SIPA1L3: variants seen among roughly 807,000 people sequenced by gnomAD.
The protein encoded by SIPA1L3 is signal induced proliferation associated 1 like 3, also known as signal-induced proliferation-associated 1-like protein 3.
Under a neutral mutation model 150.1 loss-of-function variants are expected in SIPA1L3, and 59 were observed. That is an observed-to-expected ratio of 0.39 (90% confidence interval 0.32 to 0.49). SIPA1L3 has a LOEUF of 0.49. SIPA1L3 is among the 20% of genes least tolerant of loss of function. SIPA1L3 has a pLI of 0.86. For synonymous variants in SIPA1L3, 1,070 were observed against 1,077.6 expected (o/e 0.99, Z 0.14); for missense variants, 2,211 against 2,489.5 (o/e 0.89, Z 2.38).
intron 1 of SIPA1L3, among the ~76,000 whole-genome samples, chr19:37,985,946 C>T (rs149438510): frequency 2.0e-5 from 3 of 152,244 alleles, no homozygotes; most frequent in African/African-American, 4.8e-5. Context: ...AAAGGTGACC[C>T]AGCTGCGCCG....
At chr19:38,027,461 A>G (rs903362457) in intron 1 of SIPA1L3, among the ~76,000 whole-genome samples, 8 of 152,072 alleles carry the variant, frequency 5.3e-5, no homozygotes, top group African/African-American at 1.9e-4. Flanking sequence ...GCTGCTTGCT[A>G]GGCTTCCTTC....
At chr19:37,973,492 C>T (rs1966990867) in intron 1 of SIPA1L3, among the ~76,000 whole-genome samples, 2 of 145,400 alleles carry the variant, frequency 1.4e-5, no homozygotes, top group South Asian at 4.4e-4. Context: ...ACCTCGGTCT[C>T]CCAAAGTGCT....
chr19:37,938,008 C>T (rs576544679), intron 1 of SIPA1L3, among the ~76,000 whole-genome samples: 7 of 152,048 alleles, frequency 4.6e-5, no homozygotes, highest in Non-Finnish European at 1.0e-4. Context: ...GATGGTGCCA[C>T]TGCACTCCAG....
chr19:38,079,748 G>T (rs1486641561), intron 2 of SIPA1L3, among the ~76,000 whole-genome samples: 4 of 152,082 alleles, frequency 2.6e-5, no homozygotes, highest in East Asian at 1.9e-4. Context: ...TAGAGATGGG[G>T]TTTTGCCATG....
intron 1 of SIPA1L3, among the ~76,000 whole-genome samples, chr19:38,019,920 TG>T (rs1427658998): frequency 6.6e-6 from 1 of 152,114 alleles, no homozygotes; most frequent in Non-Finnish European, 1.5e-5. Context: ...AGACCATATC[TG>T]CACAAAACTT....
rs1037122689 is a variant in SIPA1L3, at chr19:38,192,088, T to C, written c.4431-57T>C. 6.0e-6 allele frequency: 9 copies of C among 1,510,500 alleles called. No homozygotes were observed. The African/African-American group carries it at 1.1e-4, about 19-fold the overall frequency. The allele number at this position is 1,510,500 out of a possible 1,614,324, so 93.6% of individuals were successfully genotyped here. A position where few individuals can be genotyped will look rare whatever the true frequency, so the allele number is the denominator to read the frequency against. ...CCGGCCCTCTTGAATCCAAACAGCTTTGAAAAGTGGCTTGAGCCTCCCTGA... is the reference window on the plus strand; with the variant it reads ...CCGGCCCTCTTGAATCCAAACAGCTCTGAAAAGTGGCTTGAGCCTCCCTGA... On this transcript the variant is annotated intron_variant, in intron 16 of 21. Coordinates refer to ENST00000222345, the MANE Select transcript of SIPA1L3 (RefSeq NM_015073.3).
intron 1 of SIPA1L3, among the ~76,000 whole-genome samples, chr19:37,974,859 G>C (rs764816577): frequency 2.0e-5 from 3 of 152,068 alleles, no homozygotes; most frequent in Non-Finnish European, 4.4e-5. Context: ...CCTTATCCTA[G>C]TTTTAAACAT....
intron 1 of SIPA1L3, among the ~76,000 whole-genome samples, chr19:38,004,152 T>A (rs760476340): frequency 7.9e-5 from 12 of 152,228 alleles, no homozygotes; most frequent in Non-Finnish European, 1.5e-4. Context: ...TTAATCCATT[T>A]AACAGCTCAA....
intron 18 of SIPA1L3, among the ~76,000 whole-genome samples, chr19:38,197,538 A>G (rs935553061): frequency 6.6e-6 from 1 of 151,700 alleles, no homozygotes; most frequent in Non-Finnish European, 1.5e-5. Context: ...TTCCAATCAC[A>G]GGTGCAGCTG....
intron 2 of SIPA1L3, among the ~76,000 whole-genome samples, chr19:38,071,213 CTAT>C (rs1209768765): frequency 7.7e-5 from 9 of 116,982 alleles, no homozygotes; most frequent in African/African-American, 2.7e-4. Flanking sequence ...ATCTATCTAT[CTAT>C]CTATCTATCT....
rs1973224560 is a variant in SIPA1L3, at chr19:38,206,682, T to C, written c.*442T>C. On this transcript the variant is annotated 3_prime_UTR_variant, in exon 22 of 22. Transcript: ENST00000222345. ...GGCTTGTGGGGCCGAGGCCCCTGCA[T>C]GAAAAGTACAGCGTGAAAGCAACCC... The C allele has an allele frequency of 6.4e-6, 1 of 155,784 alleles. No homozygotes were observed. The highest frequency in any genetic ancestry group is 2.4e-5 in the African/African-American group (1 of 41,550). 9.7% of individuals were successfully genotyped at this position (155,784 alleles called of 1,614,324 possible).
chr19:38,182,767 G>T, intron 16 of SIPA1L3, 27 bp downstream of exon 16: 3 of 1,560,024 alleles, frequency 1.9e-6, no homozygotes, highest in Non-Finnish European at 2.6e-6. Context: ...CCAGCGAGGC[G>T]CCCGCCAGAT....
At chr19:38,140,682 T>G (rs1198690012) in intron 10 of SIPA1L3, among the ~76,000 whole-genome samples, 1 of 152,076 alleles carries the variant, frequency 6.6e-6, no homozygotes, top group African/African-American at 2.4e-5. Context: ...TCGGAGTCCC[T>G]GTGTTGGGTC....
rs1972737657 is a variant in SIPA1L3 at position 38,188,543 on chromosome 19, G to A, written c.4431-3602G>A. Among the ~76,000 whole-genome samples the A allele has an allele frequency of 2.0e-5, 3 of 151,978 alleles. No homozygotes were observed. The South Asian group carries it at 6.2e-4, about 32-fold the overall frequency. On this transcript the variant is annotated intron_variant, in intron 16 of 21. Coordinates refer to ENST00000222345, the MANE Select transcript of SIPA1L3 (RefSeq NM_015073.3). ...TGTCCAGTCCTGTCAGTCAGAACCT[G>A]GAGGATGTTTTCTTCACTGAGGTTT...
chr19:37,997,568 TA>T (rs71177495), intron 1 of SIPA1L3, among the ~76,000 whole-genome samples: 21 of 83,846 alleles, frequency 2.5e-4, no homozygotes, highest in Admixed American at 1.6e-4. Context: ...ACTGTCTCAT[TA>T]AAAAAAAAAA....
At chr19:38,019,176 A>C (rs1249213001) in intron 1 of SIPA1L3, among the ~76,000 whole-genome samples, 1 of 152,252 alleles carries the variant, frequency 6.6e-6, no homozygotes, top group Non-Finnish European at 1.5e-5. Context: ...CAGAAATAAC[A>C]GTGGTGTAAA....
At chr19:37,955,885 T>A (rs2046806293) in intron 1 of SIPA1L3, among the ~76,000 whole-genome samples, 1 of 152,240 alleles carries the variant, frequency 6.6e-6, no homozygotes, top group African/African-American at 2.4e-5. Context: ...GGTCTTTGTG[T>A]GGACATGTTT....
At chr19:37,962,583 C>G (rs2046869269) in intron 1 of SIPA1L3, among the ~76,000 whole-genome samples, 1 of 149,836 alleles carries the variant, frequency 6.7e-6, no homozygotes, top group Non-Finnish European at 1.5e-5. Context: ...ATTCTCTTGC[C>G]TCAGCCTCCT....
At chr19:38,199,192 G>A (rs186275347) in intron 19 of SIPA1L3, among the ~76,000 whole-genome samples, 5 of 152,294 alleles carry the variant, frequency 3.3e-5, no homozygotes, top group East Asian at 3.9e-4. Context: ...CTGGAAGTCC[G>A]TGCTGACGGG....
Sources: allele counts gnomAD v4.1 joint callset (sites outside exome capture counted in the v4.1 genomes callset), GRCh38; gene constraint gnomAD v4.1.1; transcripts MANE v1.5; gene names NCBI Gene and HGNC (gene_info 2026-07-23, HGNC 2026-07-21).